Variants in SNTG1 observed in about 807,000 individuals in gnomAD.
SNTG1 encodes the protein syntrophin gamma 1, also known as gamma-1-syntrophin.
In SNTG1, 39 loss-of-function variants were observed where a neutral mutation model predicts 74.7. The observed-to-expected ratio is 0.52, with a 90% CI of 0.40 to 0.68. The LOEUF is 0.68. Among genes scored for constraint, SNTG1 ranks in the 30% least tolerant of loss-of-function variants. The probability of loss-of-function intolerance (pLI) is 0.00; values close to 1 mark genes in which losing one functional copy is unlikely to be tolerated. For missense variants in SNTG1, 685 were observed against 609.5 expected (o/e 1.12, Z -1.30); for synonymous variants, 254 against 217.1 (o/e 1.17, Z -1.49).
At chr8:50,477,225 G>T (rs2093704134) in intron 8 of SNTG1, among the ~76,000 whole-genome samples, 1 of 152,006 alleles carries the variant, frequency 6.6e-6, no homozygotes. Flanking sequence ...GTATGAAAAG[G>T]AGGGGTGGGG....
intron 4 of SNTG1, among the ~76,000 whole-genome samples, chr8:50,410,831 C>T (rs1034342786): frequency 9.2e-5 from 14 of 152,104 alleles, no homozygotes; most frequent in African/African-American, 2.4e-4. Context: ...TTATCACAAA[C>T]GGAAGGGTTC....
At chr8:50,687,920 G>A in intron 15 of SNTG1, among the ~76,000 whole-genome samples, 1 of 152,238 alleles carries the variant, frequency 6.6e-6, no homozygotes, top group East Asian at 1.9e-4. Context: ...AGCACCTGTT[G>A]TTTCCTGACT....
At chr8:50,444,755 A>AT (rs2093390154) in intron 5 of SNTG1, among the ~76,000 whole-genome samples, 3 of 113,052 alleles carry the variant, frequency 2.7e-5, no homozygotes, top group Non-Finnish European at 5.8e-5. Flanking sequence ...ATCTCAGAAA[A>AT]AAAAAAAAAA....
intron 15 of SNTG1, among the ~76,000 whole-genome samples, chr8:50,661,374 A>C (rs562076202): frequency 1.4e-4 from 21 of 152,324 alleles, no homozygotes; most frequent in Admixed American, 7.2e-4. Flanking sequence ...TCAAGATATT[A>C]AATCCATGTG....
At chr8:50,512,116 G>A (rs1446707590) in intron 9 of SNTG1, among the ~76,000 whole-genome samples, 5 of 151,952 alleles carry the variant, frequency 3.3e-5, no homozygotes, top group African/African-American at 9.7e-5. Flanking sequence ...GCCTGGTGGT[G>A]ACAAAATCTC....
At chr8:50,376,742 T>TAGAG (rs1301835445) in intron 2 of SNTG1, among the ~76,000 whole-genome samples, 1 of 109,808 alleles carries the variant, frequency 9.1e-6, no homozygotes, top group African/African-American at 3.2e-5. Flanking sequence ...TATATATATA[T>TAGAG]ATATATATAT....
intron 2 of SNTG1, among the ~76,000 whole-genome samples, chr8:50,207,188 T>C (rs1188812405): frequency 6.6e-6 from 1 of 152,192 alleles, no homozygotes. Flanking sequence ...TGTGAATCCC[T>C]CTGGTCCTGG....
chr8:50,438,110 C>T (rs916204037), intron 4 of SNTG1, among the ~76,000 whole-genome samples: 1 of 152,092 alleles, frequency 6.6e-6, no homozygotes, highest in Non-Finnish European at 1.5e-5. Context: ...GCTTAGCTCC[C>T]GAATTCCAGG....
At chr8:50,048,315 C>T (rs1192758831) in intron 1 of SNTG1, among the ~76,000 whole-genome samples, 1 of 151,796 alleles carries the variant, frequency 6.6e-6, no homozygotes, top group African/African-American at 2.4e-5. Context: ...AAAGTCATGC[C>T]CAGCATTCAC....
intron 2 of SNTG1, among the ~76,000 whole-genome samples, chr8:50,319,615 G>A (rs529658199): frequency 3.3e-5 from 5 of 152,224 alleles, no homozygotes; most frequent in Middle Eastern, 3.4e-3. Flanking sequence ...TTGAATAATA[G>A]CGGTGAAAGT....
intron 2 of SNTG1, among the ~76,000 whole-genome samples, chr8:50,298,006 C>T (rs763449313): frequency 1.6e-4 from 22 of 139,692 alleles, no homozygotes; most frequent in Non-Finnish European, 3.2e-4. Context: ...GACAGAAACA[C>T]ATTATGTCAC....
chr8:49,959,330 T>C (rs192212601), intron 1 of SNTG1, among the ~76,000 whole-genome samples: 63 of 152,252 alleles, frequency 4.1e-4, no homozygotes, highest in African/African-American at 1.5e-3. Context: ...CATTGATAAA[T>C]AGGACTCCAC....
intron 2 of SNTG1, among the ~76,000 whole-genome samples, chr8:50,247,269 T>C (rs886899643): frequency 1.3e-5 from 2 of 152,180 alleles, no homozygotes; most frequent in African/African-American, 2.4e-5. Flanking sequence ...CTTTGGGGCA[T>C]TGTCCCCATA....
intron 2 of SNTG1, among the ~76,000 whole-genome samples, chr8:50,343,605 C>A (rs546841311): frequency 4.0e-4 from 61 of 152,048 alleles, no homozygotes; most frequent in African/African-American, 1.4e-3. Context: ...GAACAAATAG[C>A]AAGCTATTAG....
At chr8:50,144,221 C>T (rs766439876) in intron 1 of SNTG1, among the ~76,000 whole-genome samples, 1 of 152,198 alleles carries the variant, frequency 6.6e-6, no homozygotes, top group African/African-American at 2.4e-5. Flanking sequence ...AAATGACCTA[C>T]TTTTTAGACA....
At chr8:49,999,547 C>T (rs894295605) in intron 1 of SNTG1, among the ~76,000 whole-genome samples, 9 of 152,156 alleles carry the variant, frequency 5.9e-5, no homozygotes, top group African/African-American at 2.2e-4. Context: ...TGAGTCTGAC[C>T]ATTCGTCCCT....
Position 50,389,906 on chromosome 8 carries a change from C to T in SNTG1, c.-27-4306C>T, listed in dbSNP as rs1358239270. Among the ~76,000 whole-genome samples the T allele has an allele frequency of 6.6e-5, 10 of 152,244 alleles. No individual in the cohort carries two copies. The South Asian group carries it at 2.1e-3, about 32-fold the overall frequency. On this transcript the variant is annotated intron_variant, in intron 2 of 18. Transcript: ENST00000642720. ...TCTTTTGAGAAGCATCTGTTCATAT[C>T]CTTCGCCCACTTGTTGATGGGGTTG... is the stretch of plus-strand genomic sequence containing the variant.
intron 17 of SNTG1, among the ~76,000 whole-genome samples, chr8:50,743,265 C>G (rs537413678): frequency 6.6e-6 from 1 of 151,892 alleles, no homozygotes; most frequent in African/African-American, 2.4e-5. Context: ...AAAATACTAG[C>G]AAACAGAACT....
chr8:50,070,782 A>G (rs969835062), intron 1 of SNTG1, among the ~76,000 whole-genome samples: 8 of 152,198 alleles, frequency 5.3e-5, no homozygotes, highest in Non-Finnish European at 8.8e-5. Context: ...TGTGTGGGTT[A>G]AGAACTCAGG....
Sources: gnomAD v4.1 joint callset for allele counts (sites outside exome capture counted in the v4.1 genomes callset) on GRCh38, gnomAD v4.1.1 for gene constraint, MANE v1.5 for transcripts, NCBI Gene and HGNC (gene_info 2026-07-23, HGNC 2026-07-21) for gene names.